The following EIF4ENIF1 variants were observed in gnomAD, a reference collection of about 807,000 sequenced individuals.
The protein encoded by EIF4ENIF1 is eukaryotic translation initiation factor 4E nuclear import factor 1, also known as eukaryotic translation initiation factor 4E transporter.
In EIF4ENIF1, 23 loss-of-function variants were observed where a neutral mutation model predicts 110.5. That is an observed-to-expected ratio of 0.21 (90% CI 0.15 to 0.29). The LOEUF (loss-of-function observed/expected upper bound fraction) is 0.29. Ranked by LOEUF, EIF4ENIF1 falls within the 10% of genes least tolerant of loss-of-function variation. The probability of loss-of-function intolerance (pLI) is 1.00; values close to 1 mark genes in which losing one functional copy is unlikely to be tolerated. For missense variants in EIF4ENIF1, 1,031 were observed against 1,221.1 expected, an observed-to-expected ratio of 0.84 and a Z score of 2.32; for synonymous variants, 440 against 437.0, an observed-to-expected ratio of 1.01 and a Z score of -0.09.
At chr22:31,442,872 T>C in intron 16 of EIF4ENIF1, 90 bp downstream of exon 16, 5 of 1,525,600 alleles carry the variant, frequency 3.3e-6, no homozygotes, top group Non-Finnish European at 4.4e-6. Flanking sequence ...CCCAGGGCTT[T>C]GTATAGAATA....
At chr22:31,451,790 C>G (rs1019632063) in intron 10 of EIF4ENIF1, among the ~76,000 whole-genome samples, 1 of 151,974 alleles carries the variant, frequency 6.6e-6, no homozygotes, top group African/African-American at 2.4e-5. Flanking sequence ...CCAGGCCTGG[C>G]CAGTGGTTAC....
chr22:31,445,417 A>G (rs2050430978), intron 14 of EIF4ENIF1, among the ~76,000 whole-genome samples: 1 of 152,220 alleles, frequency 6.6e-6, no homozygotes. Flanking sequence ...AATCACAGAT[A>G]GATGGAAAAC....
In EIF4ENIF1 at chr22:31,448,179, T is replaced by C; in HGVS notation, c.1822A>G (p.Lys608Glu). 6.2e-7 allele frequency: 1 copy of C among 1,614,202 alleles called. No individual in the cohort carries two copies. ...TGGGCTGTGATGGGGCTCATGGGTT[T>C]GCGCATGCCTTGGAATGGATCTCCG... ...LLGDPFQGMRKPMSPITAQMS... is the reference protein window; with the variant it reads ...LLGDPFQGMREPMSPITAQMS... Residue 608 changes from lysine to glutamate, a missense_variant, in exon 13 of 19, where the codon AAA (lysine) becomes GAA (glutamate). By Grantham distance (56) the Lys-to-Glu change is moderately conservative (BLOSUM62 1). Coordinates refer to ENST00000330125, the MANE Select transcript of EIF4ENIF1 (RefSeq NM_019843.4).
chr22:31,456,290 C>G (rs564420353), intron 7 of EIF4ENIF1, among the ~76,000 whole-genome samples: 97 of 146,980 alleles, frequency 6.6e-4, no homozygotes, highest in Non-Finnish European at 1.1e-3. Context: ...GTGGCACGAT[C>G]TCGGCTCACT....
chr22:31,483,501 C>T (rs944429724), intron 2 of EIF4ENIF1, among the ~76,000 whole-genome samples: 2 of 152,012 alleles, frequency 1.3e-5, no homozygotes, highest in Admixed American at 6.6e-5. Context: ...CCACACCCAG[C>T]GAGCAGGTGA....
intron 6 of EIF4ENIF1, among the ~76,000 whole-genome samples, chr22:31,460,231 G>T (rs1490011883): frequency 6.6e-6 from 1 of 152,156 alleles, no homozygotes; most frequent in East Asian, 1.9e-4. Context: ...TGAGTATTTT[G>T]ATTCTCCATT....
At chr22:31,459,376 G>A (rs1433182104) in intron 6 of EIF4ENIF1, among the ~76,000 whole-genome samples, 1 of 152,130 alleles carries the variant, frequency 6.6e-6, no homozygotes, top group Non-Finnish European at 1.5e-5. Flanking sequence ...AGCAACCTAA[G>A]GTATTTATGA....
At chr22:31,491,312 G>GTT (rs2052272968), upstream of EIF4ENIF1, among the ~76,000 whole-genome samples, 1 of 152,146 alleles carries the variant, frequency 6.6e-6, no homozygotes, top group Admixed American at 6.6e-5. Flanking sequence ...CAATCAAGCT[G>GTT]TTTTTGGAAT....
rs992392038 is a variant in EIF4ENIF1 at position 31,443,181 on chromosome 22, C to T, written c.2074-87G>A. On this transcript the variant is annotated intron_variant, in intron 15 of 18. Transcript: ENST00000330125. ...AGGATTAACTTGTCAAGATACTCAA[C>T]AAAGAGTCCCCACATTGGTAGCATA... 6.5e-6 allele frequency: 10 copies of T among 1,537,696 alleles called. No individual in the cohort carries two copies. The East Asian group carries it at 6.9e-5, about 11-fold the overall frequency.
At chr22:31,463,648 A>AT (rs753654315) in intron 5 of EIF4ENIF1, 33 bp downstream of exon 5, 12 of 1,393,180 alleles carry the variant, frequency 8.6e-6, no homozygotes, top group South Asian at 2.7e-5. Flanking sequence ...CTCCGTCTCA[A>AT]TTTAAAAAAA....
Position 31,463,651 on chromosome 22 carries a change from TAAAAAAAAAAAA to T in EIF4ENIF1, c.585+18_585+29del, listed in dbSNP as rs71319194. 2.2e-6 allele frequency: 3 copies of T among 1,333,730 alleles called. No individual in the cohort carries two copies. Among genetic ancestry groups the T allele is most frequent in the South Asian group, 3.0e-5 (2 of 66,898 alleles). 82.6% of individuals were successfully genotyped at this position (1,333,730 alleles called of 1,614,324 possible). A position where few individuals can be genotyped will look rare whatever the true frequency, so the allele number is the denominator to read the frequency against. On this transcript the variant is annotated intron_variant, in intron 5 of 18. Transcript: ENST00000330125. Reference sequence around the variant, plus strand: ...ACAAGAGCGAAACTCCGTCTCAATTTAAAAAAAAAAAAAAAAAAAAAAGACAAACCCTGAAAC... The same window carrying T: ...ACAAGAGCGAAACTCCGTCTCAATTTAAAAAAAAAAGACAAACCCTGAAAC...
intron 2 of EIF4ENIF1, among the ~76,000 whole-genome samples, chr22:31,486,145 C>CT (rs1410228364): frequency 3.3e-5 from 5 of 152,078 alleles, no homozygotes; most frequent in African/African-American, 9.7e-5. Context: ...TGGCACATGC[C>CT]TGTAATCCCA....
chr22:31,487,860 T>C (rs1209552911), intron 2 of EIF4ENIF1, among the ~76,000 whole-genome samples: 2 of 147,926 alleles, frequency 1.4e-5, no homozygotes, highest in East Asian at 2.0e-4. Flanking sequence ...CCAACTAGGA[T>C]ATAACCCTTC....
At chr22:31,482,758 T>C (rs1233648383) in intron 2 of EIF4ENIF1, among the ~76,000 whole-genome samples, 2 of 151,856 alleles carry the variant, frequency 1.3e-5, no homozygotes, top group Non-Finnish European at 2.9e-5. Flanking sequence ...GCGTGGTGGC[T>C]CACGCCTGTA....
intron 6 of EIF4ENIF1, among the ~76,000 whole-genome samples, chr22:31,460,054 T>TGGGTGCTGCTTTAATTAAGAATGAGAC (rs2145973196): frequency 6.6e-6 from 1 of 152,368 alleles, no homozygotes; most frequent in African/African-American, 2.4e-5. Context: ...GGTGCTTTAT[T>TGGGTGCTGCTTTAATTAAGAATGAGAC]GGGTGCTGCT....
intron 14 of EIF4ENIF1, among the ~76,000 whole-genome samples, chr22:31,446,685 A>C (rs1279791633): frequency 6.6e-6 from 1 of 152,206 alleles, no homozygotes; most frequent in Non-Finnish European, 1.5e-5. Flanking sequence ...AGTTCTGAGG[A>C]GGAAAAGGGG....
intron 2 of EIF4ENIF1, among the ~76,000 whole-genome samples, chr22:31,487,756 T>C (rs1192764163): frequency 6.8e-6 from 1 of 148,028 alleles, no homozygotes; most frequent in East Asian, 2.0e-4. Context: ...CACCACTGCA[T>C]TCCAGCCTCG....
intron 5 of EIF4ENIF1, 72 bp from the exon 6 acceptor site, chr22:31,463,205 T>C: frequency 7.0e-7 from 1 of 1,437,826 alleles, no homozygotes; most frequent in Non-Finnish European, 9.6e-7. Context: ...AGGTCTTCGT[T>C]GTAATGTTCA....
At chr22:31,488,289 GCTTTAATCCT>G (rs1410583407) in intron 2 of EIF4ENIF1, among the ~76,000 whole-genome samples, 2 of 152,040 alleles carry the variant, frequency 1.3e-5, no homozygotes, top group African/African-American at 4.8e-5. Context: ...GCATCCTAGG[GCTTTAATCCT>G]CACAGTACAG....
Sources: gnomAD v4.1 joint callset for allele counts (sites outside exome capture counted in the v4.1 genomes callset) on GRCh38, gnomAD v4.1.1 for gene constraint, MANE v1.5 for transcripts, NCBI Gene and HGNC (gene_info 2026-07-23, HGNC 2026-07-21) for gene names.